Variants in PMFBP1 observed in about 807,000 individuals in gnomAD.
PMFBP1 encodes the protein polyamine modulated factor 1 binding protein 1.
A neutral mutation model predicts 137.8 loss-of-function variants in PMFBP1; 131 were observed. That is an observed-to-expected ratio of 0.95 (90% CI 0.82 to 1.10). The LOEUF (loss-of-function observed/expected upper bound fraction) is 1.10, where lower values mean the gene tolerates loss of function less well. Ranked by LOEUF, PMFBP1 falls within the 50% of genes least tolerant of loss-of-function variation. The pLI is 0.00. For missense variants in PMFBP1, 1,199 were observed against 1,175.4 expected (o/e 1.02, Z -0.29); for synonymous variants, 490 against 450.4 (o/e 1.09, Z -1.11).
the PMFBP1 span, among the ~76,000 whole-genome samples, chr16:72,242,009 G>T: frequency 6.6e-6 from 1 of 152,152 alleles, no homozygotes; most frequent in Non-Finnish European, 1.5e-5. Context: ...GTCTGGCACG[G>T]TGCTGGTTGT....
chr16:72,167,707 C>T (rs902086080), intron 2 of PMFBP1, among the ~76,000 whole-genome samples: 1 of 152,160 alleles, frequency 6.6e-6, no homozygotes, highest in Admixed American at 6.5e-5. Context: ...CTTTCTTTGG[C>T]ATCTATGAGC....
the PMFBP1 span, among the ~76,000 whole-genome samples, chr16:72,248,200 GT>G: frequency 6.6e-6 from 1 of 152,138 alleles, no homozygotes; most frequent in Admixed American, 6.5e-5. Flanking sequence ...TGTTGATTTT[GT>G]TTTGTTCCAA....
chr16:72,201,227 G>T, the PMFBP1 span, among the ~76,000 whole-genome samples: 1 of 152,146 alleles, frequency 6.6e-6, no homozygotes, highest in South Asian at 2.1e-4. Context: ...CTATGTCCTT[G>T]GTTCTCAGGC....
At chr16:72,151,464 T>G (rs2042902395) in intron 4 of PMFBP1, among the ~76,000 whole-genome samples, 1 of 152,228 alleles carries the variant, frequency 6.6e-6, no homozygotes, top group Non-Finnish European at 1.5e-5. Context: ...TTTCACAATC[T>G]TGGGGACATA....
intron 4 of PMFBP1, among the ~76,000 whole-genome samples, chr16:72,151,363 G>A (rs1370279853): frequency 1.3e-5 from 2 of 152,224 alleles, no homozygotes; most frequent in Non-Finnish European, 2.9e-5. Flanking sequence ...CAAACTGACA[G>A]ATATTTATTG....
In PMFBP1 at chr16:72,136,712, C is replaced by G; in HGVS notation, c.1026G>C (p.Gln342His). ...GTTTACCCTTCATGATGTTTCTCTT[C>G]TGTTCCGACACGGCCTCTAGTTCCA... is the stretch of plus-strand genomic sequence containing the variant. ...LRVELEAVSE[Q>H]KRNIMKDMMK... The change falls in exon 8 of 21, where the codon CAG becomes CAC. Residue 342 changes from glutamine to histidine, a missense_variant. Physicochemically the swap from Gln to His is conservative, Grantham distance 24. Coordinates refer to ENST00000237353, the MANE Select transcript of PMFBP1 (RefSeq NM_031293.3). 1 of 1,614,208 alleles carries G rather than the reference C, an allele frequency of 6.2e-7. No homozygotes were observed. The highest frequency in any genetic ancestry group is 8.5e-7 in the Non-Finnish European group (1 of 1,180,046).
At chr16:72,247,672 T>C in the PMFBP1 span, among the ~76,000 whole-genome samples, 2 of 152,236 alleles carry the variant, frequency 1.3e-5, no homozygotes, top group African/African-American at 4.8e-5. Context: ...TTCGGCATTC[T>C]TGACCTCATT....
chr16:72,153,428 C>T (rs570111652), intron 4 of PMFBP1, among the ~76,000 whole-genome samples: 1 of 152,190 alleles, frequency 6.6e-6, no homozygotes, highest in South Asian at 2.1e-4. Context: ...AACCTAACTC[C>T]TTGAAATTTT....
At chr16:72,145,918 A>G (rs1200719589) in intron 5 of PMFBP1, among the ~76,000 whole-genome samples, 1 of 152,258 alleles carries the variant, frequency 6.6e-6, no homozygotes, top group African/African-American at 2.4e-5. Flanking sequence ...GTTCAGGACC[A>G]GACGAATTCA....
chr16:72,164,670 T>A (rs1386340828), intron 3 of PMFBP1, 94 bp downstream of exon 3: 19 of 1,450,670 alleles, frequency 1.3e-5, no homozygotes, highest in Non-Finnish European at 1.8e-5. Context: ...TACTCCTGAA[T>A]GAACAGTGGA....
the PMFBP1 span, among the ~76,000 whole-genome samples, chr16:72,199,569 G>C: frequency 6.7e-6 from 1 of 149,696 alleles, no homozygotes; most frequent in Non-Finnish European, 1.5e-5. Context: ...CAGGAGAATC[G>C]CTTGAACCTG....
intron 2 of PMFBP1, among the ~76,000 whole-genome samples, chr16:72,167,467 G>C (rs1196850735): frequency 2.6e-5 from 4 of 152,116 alleles, no homozygotes; most frequent in African/African-American, 9.7e-5. Context: ...TTACCATTAA[G>C]ACAATTAATG....
At chr16:72,120,335 T>C (rs575941748) in intron 19 of PMFBP1, among the ~76,000 whole-genome samples, 1 of 152,310 alleles carries the variant, frequency 6.6e-6, no homozygotes, top group Admixed American at 6.5e-5. Flanking sequence ...GCTCTGGGCC[T>C]GTTTTCTTAT....
At chr16:72,143,535 G>A (rs1388953762) in intron 5 of PMFBP1, among the ~76,000 whole-genome samples, 1 of 152,060 alleles carries the variant, frequency 6.6e-6, no homozygotes, top group Non-Finnish European at 1.5e-5. Flanking sequence ...TTGAGGTCAG[G>A]AGTTCAAGAC....
At chr16:72,194,985 A>G in the PMFBP1 span, among the ~76,000 whole-genome samples, 1 of 152,342 alleles carries the variant, frequency 6.6e-6, no homozygotes, top group East Asian at 1.9e-4. Context: ...TGTTTCTGAC[A>G]GTTTGTGGAC....
upstream of PMFBP1, among the ~76,000 whole-genome samples, chr16:72,181,833 T>G (rs2043277273): frequency 6.6e-6 from 1 of 152,242 alleles, no homozygotes; most frequent in Non-Finnish European, 1.5e-5. Flanking sequence ...AAGAAATGAT[T>G]GTTACTGATT....
rs777276983 is a variant in PMFBP1, at chr16:72,150,603, C to A, written c.636+5G>T. 1.4e-5 allele frequency: 23 copies of A among 1,612,202 alleles called. No homozygotes were observed. The highest frequency in any genetic ancestry group is 1.7e-6 in the Non-Finnish European group (2 of 1,179,856). Reference sequence around the variant, plus strand: ...CTGGATTGAATGGCCTGACTTAAGTCCTACCTGACCCATGATCCCGCCGAG... The same window carrying A: ...CTGGATTGAATGGCCTGACTTAAGTACTACCTGACCCATGATCCCGCCGAG... On this transcript the variant is annotated splice_donor_5th_base_variant and intron_variant, in intron 5 of 20. Transcript: ENST00000237353.
chr16:72,118,540 T>A (rs1317022153), downstream of PMFBP1, among the ~76,000 whole-genome samples: 1 of 152,248 alleles, frequency 6.6e-6, no homozygotes, highest in Non-Finnish European at 1.5e-5. Context: ...ATCTTTCATT[T>A]CTTTCCCTTA....
the PMFBP1 span, among the ~76,000 whole-genome samples, chr16:72,218,850 T>TC: frequency 7.9e-5 from 12 of 152,284 alleles, no homozygotes; most frequent in South Asian, 2.5e-3. Context: ...ATGCAATTGT[T>TC]CTATGGGGTA....
Sources: allele counts gnomAD v4.1 joint callset (sites outside exome capture counted in the v4.1 genomes callset), GRCh38; gene constraint gnomAD v4.1.1; transcripts MANE v1.5; gene names NCBI Gene and HGNC (gene_info 2026-07-23, HGNC 2026-07-21).